Variants in LARGE1 observed in about 807,000 individuals in gnomAD.
LARGE1 encodes the protein xylosyl- and glucuronyltransferase LARGE1.
LARGE1 carries 43 observed loss-of-function variants against 87.6 expected under a neutral mutation model. That is an observed-to-expected ratio of 0.49 (90% CI 0.38 to 0.63). The LOEUF (loss-of-function observed/expected upper bound fraction) is 0.63, where lower values mean the gene tolerates loss of function less well. LARGE1 is among the 30% of genes least tolerant of loss of function. The pLI is 0.00. For missense variants in LARGE1, 802 were observed against 1,000.2 expected, an observed-to-expected ratio of 0.80 and a Z score of 2.67; for synonymous variants, 434 against 394.6, an observed-to-expected ratio of 1.10 and a Z score of -1.18.
chr22:33,711,622 G>C (rs1345299077), intron 2 of LARGE1, among the ~76,000 whole-genome samples: 2 of 152,146 alleles, frequency 1.3e-5, no homozygotes, highest in Non-Finnish European at 2.9e-5. Flanking sequence ...AGAGCACAGA[G>C]AAGGGAAAAG....
chr22:33,284,757 T>C (rs1426759471), intron 12 of LARGE1, among the ~76,000 whole-genome samples: 1 of 152,154 alleles, frequency 6.6e-6, no homozygotes, highest in East Asian at 1.9e-4. Flanking sequence ...TTTGTATTTT[T>C]AGTAGAGACT....
intron 6 of LARGE1, among the ~76,000 whole-genome samples, chr22:33,562,644 C>G (rs895071069): frequency 2.0e-5 from 3 of 152,202 alleles, no homozygotes; most frequent in Non-Finnish European, 4.4e-5. Context: ...ATGGGAGCAG[C>G]AAGAGCTCTG....
chr22:33,720,436 AC>A (rs1428170272), intron 2 of LARGE1, among the ~76,000 whole-genome samples: 1 of 152,126 alleles, frequency 6.6e-6, no homozygotes, highest in Admixed American at 6.5e-5. Flanking sequence ...ACGGACTGGT[AC>A]CAGGGGCTGA....
At chr22:33,446,255 A>T (rs575918994) in intron 6 of LARGE1, among the ~76,000 whole-genome samples, 7 of 152,326 alleles carry the variant, frequency 4.6e-5, no homozygotes, top group Admixed American at 3.3e-4. Flanking sequence ...CTGCCCCCAT[A>T]GCTCACATCT....
At chr22:33,870,357 C>G (rs7290668) in intron 1 of LARGE1, among the ~76,000 whole-genome samples, 1 of 152,120 alleles carries the variant, frequency 6.6e-6, no homozygotes, top group Non-Finnish European at 1.5e-5. Context: ...GTTATGGCAG[C>G]CTTCGGAAAC....
the LARGE1 span, among the ~76,000 whole-genome samples, chr22:33,132,268 C>A: frequency 2.6e-5 from 4 of 152,086 alleles, no homozygotes; most frequent in Admixed American, 2.6e-4. Context: ...ATTGCAGCCT[C>A]GACCTTTCTG....
At chr22:33,632,883 C>A (rs1044088563) in intron 3 of LARGE1, among the ~76,000 whole-genome samples, 1 of 152,078 alleles carries the variant, frequency 6.6e-6, no homozygotes, top group African/African-American at 2.4e-5. Context: ...GAGTAATGAA[C>A]CATAAAAGCT....
chr22:33,396,112 G>A (rs923949812), intron 7 of LARGE1, among the ~76,000 whole-genome samples: 1 of 152,204 alleles, frequency 6.6e-6, no homozygotes, highest in African/African-American at 2.4e-5. Flanking sequence ...GGTTTTTGAG[G>A]CTTTGCTGGT....
intron 2 of LARGE1, among the ~76,000 whole-genome samples, chr22:33,679,013 T>C (rs150335315): frequency 1.4e-3 from 206 of 152,316 alleles, no homozygotes; most frequent in African/African-American, 4.7e-3. Flanking sequence ...TCCCTTCAAT[T>C]CAGCAGGTAG....
intron 1 of LARGE1, among the ~76,000 whole-genome samples, chr22:33,842,934 A>G (rs1202136230): frequency 3.4e-5 from 5 of 145,192 alleles, no homozygotes; most frequent in Non-Finnish European, 7.4e-5. Context: ...AAAACAAAAC[A>G]AAACAAAACA....
chr22:33,203,912 AG>A (rs1160277034), intron 11 of LARGE1, among the ~76,000 whole-genome samples: 6 of 152,154 alleles, frequency 3.9e-5, no homozygotes, highest in African/African-American at 1.4e-4. Flanking sequence ...CACAACTTAA[AG>A]GTGGGTGTCA....
chr22:33,179,159 A>G (rs547405233), intron 11 of LARGE1, among the ~76,000 whole-genome samples: 1 of 152,326 alleles, frequency 6.6e-6, no homozygotes, highest in African/African-American at 2.4e-5. Context: ...CAATCAACAT[A>G]TAAATTTTGA....
At chr22:33,823,635 T>C (rs555909440) in intron 1 of LARGE1, among the ~76,000 whole-genome samples, 4 of 152,314 alleles carry the variant, frequency 2.6e-5, no homozygotes, top group African/African-American at 9.6e-5. Context: ...GACACAGCAA[T>C]GACTCATCCC....
chr22:33,317,892 G>C (rs1936327773), intron 10 of LARGE1, among the ~76,000 whole-genome samples: 1 of 152,172 alleles, frequency 6.6e-6, no homozygotes. Context: ...CTGGAGCGAT[G>C]GGTACATGGA....
chr22:33,378,137 A>C (rs1487024088), intron 9 of LARGE1, among the ~76,000 whole-genome samples: 1 of 152,154 alleles, frequency 6.6e-6, no homozygotes, highest in Non-Finnish European at 1.5e-5. Context: ...TTCCCCTAAA[A>C]AATTCTGAAG....
intron 6 of LARGE1, among the ~76,000 whole-genome samples, chr22:33,556,516 A>AAGG (rs1555956285): frequency 2.8e-4 from 22 of 78,998 alleles, no homozygotes; most frequent in African/African-American, 7.8e-4. Context: ...AGAAGGAAGG[A>AAGG]AGGGAGGGAG....
At chr22:33,268,429 C>CT (rs71320968), downstream of LARGE1, among the ~76,000 whole-genome samples, 5,776 of 132,948 alleles carry the variant, frequency 0.043, 326 homozygotes, top group African/African-American at 0.12. Context: ...TGTTAAAAAA[C>CT]TTTTTTTTTT....
At chr22:33,516,408 C>T (rs1164211640) in intron 6 of LARGE1, among the ~76,000 whole-genome samples, 1 of 152,044 alleles carries the variant, frequency 6.6e-6, no homozygotes, top group African/African-American at 2.4e-5. Flanking sequence ...AGACCCTGTG[C>T]TTGGTTTAAT....
At chr22:33,750,441 CA>C (rs1045829433) in intron 2 of LARGE1, among the ~76,000 whole-genome samples, 3 of 152,222 alleles carry the variant, frequency 2.0e-5, no homozygotes, top group African/African-American at 7.2e-5. Flanking sequence ...AAACCCAACA[CA>C]AGTGCAAGCC....
Sources: gnomAD v4.1 joint callset for allele counts (sites outside exome capture counted in the v4.1 genomes callset) on GRCh38, gnomAD v4.1.1 for gene constraint, MANE v1.5 for transcripts, NCBI Gene and HGNC (gene_info 2026-07-23, HGNC 2026-07-21) for gene names.